Variants in SLC4A10 observed in about 807,000 individuals in gnomAD.
SLC4A10 encodes the protein sodium-driven chloride bicarbonate exchanger.
Under a neutral mutation model 137.7 loss-of-function variants are expected in SLC4A10, and 42 were observed. The observed-to-expected ratio is 0.30, with a 90% CI of 0.24 to 0.39. SLC4A10 has a LOEUF of 0.39. Ranked by LOEUF, SLC4A10 falls within the 10% of genes least tolerant of loss-of-function variation. The probability of loss-of-function intolerance (pLI) is 1.00; values close to 1 mark genes in which losing one functional copy is unlikely to be tolerated. For synonymous variants in SLC4A10, 474 were observed against 464.1 expected (o/e 1.02, Z -0.27); for missense variants, 925 against 1,355.0 (o/e 0.68, Z 4.98).
chr2:161,637,460 C>CA (rs770508786), intron 1 of SLC4A10, among the ~76,000 whole-genome samples: 51 of 152,026 alleles, frequency 3.4e-4, no homozygotes, highest in Non-Finnish European at 5.7e-4. Context: ...TTTGGCTTCC[C>CA]AAAGTGCTGT....
intron 1 of SLC4A10, among the ~76,000 whole-genome samples, chr2:161,716,175 TG>T (rs1339403267): frequency 0.023 from 1,117 of 49,532 alleles, 20 homozygotes; most frequent in African/African-American, 0.062. Context: ...CACTTTTTGA[TG>T]GGTTTTTTTT....
intron 1 of SLC4A10, among the ~76,000 whole-genome samples, chr2:161,672,127 G>C (rs558858330): frequency 1.2e-4 from 18 of 152,122 alleles, no homozygotes; most frequent in Non-Finnish European, 2.1e-4. Context: ...GGGTGAAGTG[G>C]TTTGGGATCA....
In SLC4A10 at chr2:161,857,709, G is replaced by A. The variant is rs566986616; in HGVS notation, c.577+2579G>A. Among the ~76,000 whole-genome samples the A allele has an allele frequency of 3.0e-3, 451 of 152,062 alleles. 1 individual carries two copies. Among genetic ancestry groups the A allele is most frequent in the African/African-American group, 0.01 (430 of 41,474 alleles). On this transcript the variant is annotated intron_variant, in intron 5 of 26. Coordinates refer to ENST00000446997, the MANE Select transcript of SLC4A10 (RefSeq NM_001178015.2). ...TACTAAGTTTGTAATAAATAAGCAT[G>A]CTTTCCGTTTTTAAGACTTCTAACT... is the stretch of plus-strand genomic sequence containing the variant.
rs530436722 is a variant in SLC4A10 at position 161,691,376 on chromosome 2, G to C, written c.48+66810G>C. 1.4e-3 allele frequency among the ~76,000 whole-genome samples: 217 copies of C among 151,738 alleles called. 1 individual carries two copies. The highest frequency in any genetic ancestry group is 4.8e-3 in the African/African-American group (200 of 41,426). Reference sequence around the variant, plus strand: ...GTTAATGGGTGCAAAAAAAAAAATAGAAAGAATGAATAAGACCTAGTATTT... The same window carrying C: ...GTTAATGGGTGCAAAAAAAAAAATACAAAGAATGAATAAGACCTAGTATTT... On this transcript the variant is annotated intron_variant, in intron 1 of 26. Transcript: ENST00000446997.
At chr2:161,850,900 A>G (rs1002640709) in intron 4 of SLC4A10, among the ~76,000 whole-genome samples, 1 of 151,994 alleles carries the variant, frequency 6.6e-6, no homozygotes, top group Admixed American at 6.6e-5. Context: ...CAGAGATTCT[A>G]GTATGTTGTA....
intron 3 of SLC4A10, among the ~76,000 whole-genome samples, chr2:161,828,767 CATATATAT>C (rs58808663): frequency 0.043 from 1,820 of 42,054 alleles, 79 homozygotes; most frequent in Non-Finnish European, 0.052. Context: ...AATTCTAATT[CATATATAT>C]ATATATATAT....
chr2:161,733,307 T>C (rs2046998495), intron 1 of SLC4A10, among the ~76,000 whole-genome samples: 1 of 152,160 alleles, frequency 6.6e-6, no homozygotes, highest in Admixed American at 6.5e-5. Context: ...AGGGACTTCA[T>C]GCCCTGCGTT....
intron 15 of SLC4A10, among the ~76,000 whole-genome samples, chr2:161,910,114 A>C (rs557226314): frequency 1.3e-5 from 2 of 152,134 alleles, no homozygotes; most frequent in Non-Finnish European, 2.9e-5. Context: ...TATTTGAAAA[A>C]AGTCATCATG....
At chr2:161,800,739 T>A (rs1036764209) in intron 2 of SLC4A10, among the ~76,000 whole-genome samples, 1 of 152,010 alleles carries the variant, frequency 6.6e-6, no homozygotes, top group Admixed American at 6.6e-5. Flanking sequence ...ACAGCAACCA[T>A]GAGGCAAAGT....
At chr2:161,663,464 A>G (rs1000417212) in intron 1 of SLC4A10, among the ~76,000 whole-genome samples, 4 of 152,074 alleles carry the variant, frequency 2.6e-5, no homozygotes, top group Non-Finnish European at 1.5e-5. Flanking sequence ...TTTAAAGGCC[A>G]TATGTTAAGT....
intron 2 of SLC4A10, among the ~76,000 whole-genome samples, chr2:161,801,965 C>T (rs1157360842): frequency 2.0e-5 from 3 of 152,160 alleles, no homozygotes; most frequent in African/African-American, 7.2e-5. Flanking sequence ...CATAATATAA[C>T]TTAATATTGT....
At chr2:161,711,071 T>C (rs2044240788) in intron 1 of SLC4A10, among the ~76,000 whole-genome samples, 1 of 151,882 alleles carries the variant, frequency 6.6e-6, no homozygotes, top group African/African-American at 2.4e-5. Context: ...TCAAACTGTA[T>C]CATTATGCAT....
At chr2:161,708,307 A>G (rs898146720) in intron 1 of SLC4A10, among the ~76,000 whole-genome samples, 3 of 151,512 alleles carry the variant, frequency 2.0e-5, no homozygotes, top group Admixed American at 6.6e-5. Flanking sequence ...TCACATATAG[A>G]GAAAGCTGCC....
intron 2 of SLC4A10, among the ~76,000 whole-genome samples, chr2:161,774,317 G>A (rs991610520): frequency 1.3e-5 from 2 of 151,792 alleles, no homozygotes; most frequent in Admixed American, 1.3e-4. Flanking sequence ...AACATAAGAT[G>A]CCCAGATAAA....
At position 161,862,861 on chromosome 2, in the gene SLC4A10, C is replaced by G; in HGVS notation, c.578-13C>G. The G allele has an allele frequency of 6.4e-7, 1 of 1,559,816 alleles. No individual in the cohort carries two copies. The highest frequency in any genetic ancestry group is 8.7e-7 in the Non-Finnish European group (1 of 1,149,908). On this transcript the variant is annotated splice_polypyrimidine_tract_variant and intron_variant, in intron 5 of 26. Transcript: ENST00000446997. ...AAAGCTGTGCTTATCTTCTTCCGGC[C>G]TTTTCTCTTCAGATATGGTTCTTGA...
At chr2:161,746,877 C>A (rs12467625) in intron 1 of SLC4A10, among the ~76,000 whole-genome samples, 12,367 of 152,124 alleles carry the variant, frequency 0.081, 640 homozygotes, top group East Asian at 0.14. Flanking sequence ...GAAATGTTGT[C>A]GAGAAGCTAC....
intron 1 of SLC4A10, among the ~76,000 whole-genome samples, chr2:161,726,804 G>A (rs2046277512): frequency 6.6e-6 from 1 of 152,198 alleles, no homozygotes; most frequent in South Asian, 2.1e-4. Context: ...AGTTACTTGG[G>A]AAGCTGAGGC....
chr2:161,773,037 A>G (rs1050943849), intron 2 of SLC4A10, among the ~76,000 whole-genome samples: 1 of 151,890 alleles, frequency 6.6e-6, no homozygotes, highest in African/African-American at 2.4e-5. Flanking sequence ...GACTATGGTA[A>G]TTCATCTTCT....
At chr2:161,737,473 GT>G (rs987360091) in intron 1 of SLC4A10, among the ~76,000 whole-genome samples, 2 of 151,256 alleles carry the variant, frequency 1.3e-5, no homozygotes, top group Non-Finnish European at 2.9e-5. Context: ...AGTGGATGTA[GT>G]TTTTCTTATT....
Sources: gnomAD v4.1 joint callset for allele counts (sites outside exome capture counted in the v4.1 genomes callset) on GRCh38, gnomAD v4.1.1 for gene constraint, MANE v1.5 for transcripts, NCBI Gene and HGNC (gene_info 2026-07-23, HGNC 2026-07-21) for gene names.